Variants in ELMOD1 observed in about 807,000 individuals in gnomAD.
ELMOD1 encodes the protein ELMO domain containing 1.
Under a neutral mutation model 46.7 loss-of-function variants are expected in ELMOD1, and 21 were observed. The observed-to-expected ratio is 0.45, with a 90% CI of 0.32 to 0.65. ELMOD1 has a LOEUF of 0.65. ELMOD1 is among the 30% of genes least tolerant of loss of function. The pLI, the probability that ELMOD1 is intolerant of heterozygous loss-of-function variation, is 0.04. For missense variants in ELMOD1, 348 were observed against 407.8 expected (o/e 0.85, Z 1.26); for synonymous variants, 122 against 138.2 (o/e 0.88, Z 0.82).
At chr11:107,638,402 G>A (rs1422105277) in intron 6 of ELMOD1, among the ~76,000 whole-genome samples, 2 of 152,192 alleles carry the variant, frequency 1.3e-5, no homozygotes, top group Admixed American at 1.3e-4. Context: ...ATACACTGCT[G>A]TTGTCTTCAT....
chr11:107,641,025 G>A (rs536033856), intron 6 of ELMOD1, among the ~76,000 whole-genome samples: 1 of 152,178 alleles, frequency 6.6e-6, no homozygotes, highest in Admixed American at 6.5e-5. Context: ...TAGATGAAAA[G>A]GTTAATATTT....
chr11:107,652,664 G>T lies in ELMOD1; in HGVS notation c.648-1508G>T, dbSNP rs183513103. 7.9e-5 allele frequency among the ~76,000 whole-genome samples: 12 copies of T among 152,098 alleles called. No homozygotes were observed. The South Asian group carries it at 8.3e-4, about 11-fold the overall frequency. On this transcript the variant is annotated intron_variant, in intron 9 of 11. Transcript: ENST00000265840. ...TTTTAGTTTGGATATGAATCTTTAA[G>T]GTAAAAAAATCTCCTGATCTCCTGA... is the stretch of plus-strand genomic sequence containing the variant.
chr11:107,624,626 G>C (rs1309357145), intron 2 of ELMOD1, among the ~76,000 whole-genome samples: 2 of 152,120 alleles, frequency 1.3e-5, no homozygotes, highest in African/African-American at 4.8e-5. Context: ...ACCGTGTCTT[G>C]ACAAATAAAT....
rs757380889 is a variant in ELMOD1 at position 107,650,350 on chromosome 11, G to T, written c.570G>T (p.Arg190Ser). The T allele has an allele frequency of 1.3e-6, 2 of 1,589,386 alleles. No homozygotes were observed. The highest frequency in any genetic ancestry group is 4.5e-5 in the East Asian group (2 of 44,128). The stretch of plus-strand genomic sequence containing the variant: ...CCCGCTGCAGGTATTTCGCGGAAAG[G>T]GATGCCACAGCAGCTCAGCAGGTCC... ...GLYNLQYFAE[R>S]DATAAQQVLS... The change falls in exon 8 of 12, where the codon AGG (arginine) becomes AGT (serine). Residue 190 changes from arginine (R) to serine (S), a missense_variant. Coordinates refer to ENST00000265840, the MANE Select transcript of ELMOD1 (RefSeq NM_018712.4).
At chr11:107,608,951 G>A (rs1865732394) in intron 1 of ELMOD1, among the ~76,000 whole-genome samples, 2 of 152,170 alleles carry the variant, frequency 1.3e-5, no homozygotes, top group Admixed American at 6.5e-5. Context: ...TCCAGAGGGA[G>A]CACAGGAAAG....
chr11:107,623,127 T>A (rs577808968), intron 2 of ELMOD1, among the ~76,000 whole-genome samples: 1 of 151,838 alleles, frequency 6.6e-6, no homozygotes, highest in Non-Finnish European at 1.5e-5. Flanking sequence ...CCTCCCCGAT[T>A]CCCCCACCCC....
intron 6 of ELMOD1, among the ~76,000 whole-genome samples, chr11:107,645,560 AGTTACC>A (rs1439460408): frequency 6.6e-6 from 1 of 150,780 alleles, no homozygotes; most frequent in African/African-American, 2.4e-5. Context: ...CCTGACCTGA[AGTTACC>A]CACCTTTCCT....
At chr11:107,612,241 C>T (rs1428491804) in intron 1 of ELMOD1, among the ~76,000 whole-genome samples, 1 of 152,074 alleles carries the variant, frequency 6.6e-6, no homozygotes, top group African/African-American at 2.4e-5. Context: ...TGCCATTATC[C>T]TAAGAAAATT....
intron 6 of ELMOD1, among the ~76,000 whole-genome samples, chr11:107,637,097 G>A (rs186157750): frequency 2.0e-5 from 3 of 152,300 alleles, no homozygotes; most frequent in East Asian, 1.9e-4. Context: ...GTGAATGCAC[G>A]AATTATTATA....
intron 1 of ELMOD1, among the ~76,000 whole-genome samples, chr11:107,597,281 C>T (rs905970920): frequency 6.6e-6 from 1 of 152,178 alleles, no homozygotes; most frequent in Non-Finnish European, 1.5e-5. Flanking sequence ...ATGTGAAGTT[C>T]ATTTAGGTTC....
chr11:107,605,551 T>C (rs1183024167), intron 1 of ELMOD1, among the ~76,000 whole-genome samples: 1 of 152,174 alleles, frequency 6.6e-6, no homozygotes, highest in East Asian at 1.9e-4. Context: ...GCTGCCTCCA[T>C]GAAAACAGTG....
intron 2 of ELMOD1, chr11:107,623,475 C>G (rs1308857366): frequency 6.6e-6 from 1 of 152,226 alleles, no homozygotes; most frequent in African/African-American, 2.4e-5. Context: ...TACCCGAAAG[C>G]CACGGGCACT....
intron 2 of ELMOD1, among the ~76,000 whole-genome samples, chr11:107,618,924 G>T (rs12276861): frequency 0.017 from 2,619 of 152,236 alleles, 73 homozygotes; most frequent in African/African-American, 0.06. Flanking sequence ...AAGTTAGTCA[G>T]GTCCTGAATG....
chr11:107,635,437 C>G (rs1387734634), intron 5 of ELMOD1, among the ~76,000 whole-genome samples, 199 bp from the exon 6 acceptor site: 1 of 152,052 alleles, frequency 6.6e-6, no homozygotes, highest in Non-Finnish European at 1.5e-5. Flanking sequence ...GACTTCGAGG[C>G]AAATTTTAGC....
chr11:107,654,666 G>A (rs2135713064), intron 10 of ELMOD1, among the ~76,000 whole-genome samples: 1 of 152,088 alleles, frequency 6.6e-6, no homozygotes, highest in South Asian at 2.1e-4. Flanking sequence ...CTACTCGGGA[G>A]GCTGAGGCAG....
chr11:107,596,182 A>AT (rs1181568548), intron 1 of ELMOD1, among the ~76,000 whole-genome samples: 1 of 151,940 alleles, frequency 6.6e-6, no homozygotes, highest in African/African-American at 2.4e-5. Context: ...TCTCCTTTCT[A>AT]TTTTTTATTT....
chr11:107,650,270 TA>T, intron 7 of ELMOD1, 64 bp from the exon 8 acceptor site: 2 of 1,178,538 alleles, frequency 1.7e-6, no homozygotes, highest in South Asian at 1.3e-5. Context: ...CGAATTGGAT[TA>T]AAATGAATAT....
Position 107,643,755 on chromosome 11 carries a change from G to A in ELMOD1, c.421-3713G>A, listed in dbSNP as rs139301436. On this transcript the variant is annotated intron_variant, in intron 6 of 11. Coordinates refer to ENST00000265840, the MANE Select transcript of ELMOD1 (RefSeq NM_018712.4). ...GTATTGGAGCAATCTTGACTCTTAT[G>A]TTCTGTTGCGTATACTGCTGAACAG... 230 of 476,420 alleles carry A rather than the reference G, an allele frequency of 4.8e-4. 1 individual carries two copies. Among genetic ancestry groups the A allele is most frequent in the African/African-American group, 4.1e-3 (207 of 50,290 alleles). 29.5% of individuals were successfully genotyped at this position (476,420 alleles called of 1,614,324 possible). A position where few individuals can be genotyped will look rare whatever the true frequency, so the allele number is the denominator to read the frequency against.
intron 6 of ELMOD1, among the ~76,000 whole-genome samples, chr11:107,637,156 T>A (rs963033808): frequency 1.3e-5 from 2 of 152,284 alleles, no homozygotes; most frequent in Non-Finnish European, 2.9e-5. Context: ...TATCTGTGGT[T>A]ATGATTAGAT....
Sources: gnomAD v4.1 joint callset for allele counts (sites outside exome capture counted in the v4.1 genomes callset) on GRCh38, gnomAD v4.1.1 for gene constraint, MANE v1.5 for transcripts, NCBI Gene and HGNC (gene_info 2026-07-23, HGNC 2026-07-21) for gene names.